Variants in ZNF726 observed in about 807,000 individuals in gnomAD.
ZNF726 encodes the protein zinc finger protein 92 pseudogene 3.
ZNF726 carries 15 observed loss-of-function variants against 11.6 expected under a neutral mutation model. That is an observed-to-expected ratio of 1.29 (90% CI 0.86 to 1.99). ZNF726 has a LOEUF of 1.99. Among genes scored for constraint, ZNF726 ranks in the 30% most tolerant of loss-of-function variants. ZNF726 has a pLI of 0.00. For synonymous variants in ZNF726, 295 were observed against 243.6 expected (o/e 1.21, Z -1.96); for missense variants, 890 against 725.6 (o/e 1.23, Z -2.60).
intron 4 of ZNF726, chr19:23,944,574 T>G (rs1968388945): frequency 6.5e-6 from 1 of 153,974 alleles, no homozygotes; most frequent in African/African-American, 2.4e-5. Context: ...AGTTTCATTT[T>G]GGCACATAGT....
chr19:23,919,649 G>A, intron 2 of ZNF726, 150 bp downstream of exon 2: 1 of 1,021,330 alleles, frequency 9.8e-7, no homozygotes, highest in Admixed American at 3.4e-5. Context: ...TCTTCAAGAT[G>A]TTTCATCCTG....
At chr19:23,939,083 A>C (rs1291999537), downstream of ZNF726, among the ~76,000 whole-genome samples, 1 of 151,978 alleles carries the variant, frequency 6.6e-6, no homozygotes, top group Non-Finnish European at 1.5e-5. Context: ...TGAGCAGTAT[A>C]TACTGCACCA....
At position 23,932,372 on chromosome 19, in the gene ZNF726, T is replaced by C; in HGVS notation, c.256T>C (p.Trp86Arg). 6.9e-7 allele frequency: 1 copy of C among 1,452,154 alleles called. No individual in the cohort carries two copies. Among genetic ancestry groups the C allele is most frequent in the Non-Finnish European group, 9.1e-7 (1 of 1,103,862 alleles). The allele number at this position is 1,452,154 out of a possible 1,614,324, so 90.0% of individuals were successfully genotyped here. The change falls in exon 4 of 4, where the codon TGG becomes CGG. Residue 86 changes from tryptophan to arginine, a missense_variant. Coordinates refer to ENST00000594466, the MANE Select transcript of ZNF726 (RefSeq NM_001244038.2). The part of the protein sequence containing the change: ...GICPHFAQDI[W>R]PEQGVEDSFQ... ...ATGTCCTCATTTTGCTCAAGACATTTGGCCAGAGCAGGGCGTGGAAGATTC... is the reference window on the plus strand; with the variant it reads ...ATGTCCTCATTTTGCTCAAGACATTCGGCCAGAGCAGGGCGTGGAAGATTC...
Position 23,932,583 on chromosome 19 carries a change from A to G in ZNF726, c.467A>G (p.Lys156Arg). ...QCGKYLKVFY[K>R]FINLNRYKIR... is the part of the protein sequence containing the mutation. ...GGTAAATATTTGAAAGTCTTTTATA[A>G]ATTTATAAATTTAAACAGATATAAG... The change falls in exon 4 of 4, where the codon AAA becomes AGA. Residue 156 changes from lysine to arginine, a missense_variant. Coordinates refer to ENST00000594466, the MANE Select transcript of ZNF726 (RefSeq NM_001244038.2). The G allele has an allele frequency of 6.5e-7, 1 of 1,547,664 alleles. No individual in the cohort carries two copies. Among genetic ancestry groups the G allele is most frequent in the Non-Finnish European group, 8.7e-7 (1 of 1,148,516 alleles).
intron 3 of ZNF726, chr19:23,928,424 G>C (rs1968033920): frequency 6.6e-6 from 1 of 152,066 alleles, no homozygotes; most frequent in Non-Finnish European, 1.5e-5. Flanking sequence ...ATGTTGCTAT[G>C]TATTTCTTGC....
chr19:23,932,716 C>T lies in ZNF726; in HGVS notation c.600C>T (p.Ser200=). Residue 200 remains serine, a synonymous_variant, in exon 4 of 4, where the codon TCC becomes TCT. Coordinates refer to ENST00000594466, the MANE Select transcript of ZNF726 (RefSeq NM_001244038.2). ...AAAGCATATATACTACAGAGAAGTC[C>T]TACAAATGTAAAGAATGTGGAAAAA... ...QHKSIYTTEK[S]YKCKECGKTF... is the part of the protein sequence containing the mutation. The T allele has an allele frequency of 6.2e-7, 1 of 1,608,652 alleles. No homozygotes were observed. The highest frequency in any genetic ancestry group is 8.5e-7 in the Non-Finnish European group (1 of 1,178,626).
intron 4 of ZNF726, chr19:23,944,322 A>G (rs1418670067): frequency 2.6e-5 from 4 of 152,214 alleles, no homozygotes; most frequent in African/African-American, 9.6e-5. Context: ...ACATTCAAGT[A>G]TAGGTATCAT....
chr19:23,921,534 T>A (rs1967851617), intron 3 of ZNF726: 1 of 152,204 alleles, frequency 6.6e-6, no homozygotes, highest in South Asian at 2.1e-4. Flanking sequence ...AAAATATTTT[T>A]AAATTTATTT....
chr19:23,943,348 C>T, intron 3 of ZNF726: 1 of 412,964 alleles, frequency 2.4e-6, no homozygotes. Flanking sequence ...AAAATATGTT[C>T]TAAATATTCT....
chr19:23,933,913 C>A lies in ZNF726; in HGVS notation c.1797C>A (p.Gly599=), dbSNP rs773671992. ...AACCTTACAAGTGTGACGAATGTGG[C>A]AAATCATTTATCTGGTCCTCAACCC... The part of the protein sequence containing the change: ...GEKPYKCDEC[G]KSFIWSSTLF... Residue 599 remains glycine, a synonymous_variant, in exon 4 of 4, where the codon GGC becomes GGA. Coordinates refer to ENST00000594466, the MANE Select transcript of ZNF726 (RefSeq NM_001244038.2). 1 of 1,586,540 alleles carries A rather than the reference C, an allele frequency of 6.3e-7. No individual in the cohort carries two copies. Among genetic ancestry groups the A allele is most frequent in the Non-Finnish European group, 8.6e-7 (1 of 1,166,296 alleles).
intron 3 of ZNF726, among the ~76,000 whole-genome samples, chr19:23,931,042 C>A (rs901417863): frequency 1.1e-4 from 16 of 152,182 alleles, no homozygotes; most frequent in Admixed American, 3.3e-4. Context: ...GTGATCTCAG[C>A]TCACTGCAAC....
intron 3 of ZNF726, among the ~76,000 whole-genome samples, chr19:23,924,652 C>A (rs191923498): frequency 7.9e-5 from 12 of 152,218 alleles, no homozygotes; most frequent in Admixed American, 3.9e-4. Context: ...TTTTGAGAGG[C>A]CGGGACAGGA....
chr19:23,931,515 C>A (rs546315683), intron 3 of ZNF726, among the ~76,000 whole-genome samples: 1 of 152,020 alleles, frequency 6.6e-6, no homozygotes, highest in African/African-American at 2.4e-5. Context: ...TGGTTTCTTT[C>A]AGAAAATTTT....
chr19:23,930,836 C>T (rs547678042), intron 3 of ZNF726, among the ~76,000 whole-genome samples: 1 of 152,218 alleles, frequency 6.6e-6, no homozygotes, highest in Non-Finnish European at 1.5e-5. Context: ...AAAAACACGA[C>T]AAAATTTACC....
chr19:23,924,825 G>T (rs1319999815), intron 3 of ZNF726, among the ~76,000 whole-genome samples: 2 of 152,004 alleles, frequency 1.3e-5, no homozygotes, highest in Non-Finnish European at 1.5e-5. Context: ...CTGGGAGTGT[G>T]AGGCTGCAGT....
chr19:23,919,953 G>C, intron 2 of ZNF726, 34 bp from the exon 3 acceptor site: 3 of 1,460,452 alleles, frequency 2.1e-6, no homozygotes, highest in Non-Finnish European at 2.8e-6. Flanking sequence ...GAGAATATGA[G>C]CAAGATTCAT....
chr19:23,923,287 A>G (rs1381970944), intron 3 of ZNF726: 3 of 321,864 alleles, frequency 9.3e-6, no homozygotes, highest in Non-Finnish European at 1.8e-5. Context: ...TATTTAAAAC[A>G]TAAAAATTGG....
downstream of ZNF726, chr19:23,935,903 T>A (rs1968222546): frequency 6.6e-6 from 1 of 152,658 alleles, no homozygotes; most frequent in African/African-American, 2.4e-5. Flanking sequence ...TCAGAAAATA[T>A]GTCTTTAAAG....
chr19:23,938,234 A>G (rs1052061505), downstream of ZNF726, among the ~76,000 whole-genome samples: 1 of 152,102 alleles, frequency 6.6e-6, no homozygotes, highest in Admixed American at 6.6e-5. Context: ...TGGATATGTA[A>G]TATGTGTATA....
Sources: allele counts gnomAD v4.1 joint callset (sites outside exome capture counted in the v4.1 genomes callset), GRCh38; gene constraint gnomAD v4.1.1; transcripts MANE v1.5; gene names NCBI Gene and HGNC (gene_info 2026-07-23, HGNC 2026-07-21).